Variants in GALNT10 observed in about 807,000 individuals in gnomAD.
GALNT10 encodes the protein GalNAc transferase 10.
Under a neutral mutation model 75.0 loss-of-function variants are expected in GALNT10, and 41 were observed. That is an observed-to-expected ratio of 0.55 (90% CI 0.43 to 0.71). The LOEUF is 0.71. GALNT10 is among the 30% of genes least tolerant of loss of function. GALNT10 has a pLI of 0.00. For synonymous variants in GALNT10, 302 were observed against 313.0 expected (o/e 0.96, Z 0.37); for missense variants, 727 against 818.5 (o/e 0.89, Z 1.36).
At position 154,217,271 on chromosome 5, in the gene GALNT10, T is replaced by C. The variant is rs1045765198; in HGVS notation, c.159+26246T>C. Among the ~76,000 whole-genome samples the C allele has an allele frequency of 3.9e-5, 6 of 152,194 alleles. No individual in the cohort carries two copies. The South Asian group carries it at 6.2e-4, about 16-fold the overall frequency. On this transcript the variant is annotated intron_variant, in intron 1 of 11. Coordinates refer to ENST00000297107, the MANE Select transcript of GALNT10 (RefSeq NM_198321.4). Reference sequence around the variant, plus strand: ...TTTGTGCGCTACAGTGGCTTCCGCCTAAAGCCTTGTTTGCCCTCTGAGAGA... The same window carrying C: ...TTTGTGCGCTACAGTGGCTTCCGCCCAAAGCCTTGTTTGCCCTCTGAGAGA...
chr5:154,286,956 T>C (rs1444953224), intron 1 of GALNT10, among the ~76,000 whole-genome samples: 1 of 152,202 alleles, frequency 6.6e-6, no homozygotes, highest in African/African-American at 2.4e-5. Flanking sequence ...AGTTAAGTTT[T>C]CTCAAAACAG....
intron 3 of GALNT10, among the ~76,000 whole-genome samples, chr5:154,304,938 A>C (rs919371749): frequency 6.6e-6 from 1 of 152,206 alleles, no homozygotes; most frequent in African/African-American, 2.4e-5. Context: ...CCAACAGAGG[A>C]GATAAAATGA....
At chr5:154,310,233 C>T (rs370162410) in intron 3 of GALNT10, among the ~76,000 whole-genome samples, 16 of 152,198 alleles carry the variant, frequency 1.1e-4, no homozygotes, top group African/African-American at 3.6e-4. Context: ...AGAGCAAGCT[C>T]GCCTGACACC....
intron 1 of GALNT10, among the ~76,000 whole-genome samples, chr5:154,278,514 G>T (rs1753986043): frequency 6.6e-6 from 1 of 152,172 alleles, no homozygotes; most frequent in South Asian, 2.1e-4. Context: ...AGAAGAATTG[G>T]CTTTTTTAGA....
chr5:154,237,704 A>T (rs751123691), intron 1 of GALNT10, among the ~76,000 whole-genome samples: 1 of 152,032 alleles, frequency 6.6e-6, no homozygotes, highest in Non-Finnish European at 1.5e-5. Context: ...ATTTTTTTAG[A>T]ATCTGTTGGA....
rs751387119 is a variant in GALNT10, at chr5:154,416,960, C to A, written c.1800C>A (p.Phe600Leu). 6.2e-7 allele frequency: 1 copy of A among 1,614,156 alleles called. No individual in the cohort carries two copies. The highest frequency in any genetic ancestry group is 1.1e-5 in the South Asian group (1 of 91,078). ...CCAACTCAACAGTCTTGGAAAAATT[C>A]AATAGGAACTGAGCCCTCATGTCCC... ...EHTNSTVLEK[F>L]NRN is the part of the protein sequence containing the mutation. The change falls in exon 12 of 12, where the codon TTC becomes TTA. Residue 600 changes from phenylalanine (F) to leucine (L), a missense_variant. Transcript: ENST00000297107. The surrounding 1 kb of genome is among the most constrained non-coding windows in gnomAD (Gnocchi z 4.5).
chr5:154,386,553 G>A (rs1561678716), intron 7 of GALNT10, 123 bp downstream of exon 7: 1 of 450,348 alleles, frequency 2.2e-6, no homozygotes, highest in Non-Finnish European at 4.4e-6. Flanking sequence ...TAGCCCTTCT[G>A]CCCATCAGGT....
chr5:154,290,076 T>C (rs1754171200), intron 1 of GALNT10, among the ~76,000 whole-genome samples: 1 of 150,810 alleles, frequency 6.6e-6, no homozygotes, highest in Non-Finnish European at 1.5e-5. Context: ...CCCTTCAGGC[T>C]CCATGTACTC....
intron 7 of GALNT10, chr5:154,392,376 G>A (rs1450440776): frequency 6.6e-6 from 1 of 152,126 alleles, no homozygotes; most frequent in Non-Finnish European, 1.5e-5. Context: ...GTGTGTTAGT[G>A]GCATCACTTC....
At chr5:154,296,600 T>C (rs531128006) in intron 2 of GALNT10, among the ~76,000 whole-genome samples, 2 of 152,268 alleles carry the variant, frequency 1.3e-5, no homozygotes, top group Admixed American at 6.5e-5. Context: ...ATCATTCACA[T>C]TGAACCTTCT....
intron 1 of GALNT10, among the ~76,000 whole-genome samples, chr5:154,244,605 A>G (rs1753391446): frequency 6.6e-6 from 1 of 152,090 alleles, no homozygotes; most frequent in Non-Finnish European, 1.5e-5. Flanking sequence ...TGTTTTCTCT[A>G]TGCTGGAGGA....
At chr5:154,250,655 G>A (rs1013696013) in intron 1 of GALNT10, among the ~76,000 whole-genome samples, 1 of 152,176 alleles carries the variant, frequency 6.6e-6, no homozygotes, top group Non-Finnish European at 1.5e-5. Context: ...TTAGGAAGGA[G>A]GAGGGGGTTA....
chr5:154,368,495 GC>G (rs1387351902), intron 4 of GALNT10, among the ~76,000 whole-genome samples: 1 of 152,166 alleles, frequency 6.6e-6, no homozygotes, highest in Non-Finnish European at 1.5e-5. Context: ...AAAAGAAATG[GC>G]CGGCTTTCCA....
chr5:154,218,293 C>T (rs773502200), intron 1 of GALNT10: 16 of 223,674 alleles, frequency 7.2e-5, no homozygotes, highest in Admixed American at 2.0e-4. Flanking sequence ...TTCTCCAGTT[C>T]GCTGTCTCCA....
intron 1 of GALNT10, among the ~76,000 whole-genome samples, chr5:154,276,516 A>G (rs1374484196): frequency 6.6e-6 from 1 of 152,194 alleles, no homozygotes; most frequent in African/African-American, 2.4e-5. Context: ...CACAGGAGTG[A>G]TATCTCATCA....
intron 1 of GALNT10, among the ~76,000 whole-genome samples, chr5:154,234,819 G>A (rs1457393487): frequency 2.0e-5 from 3 of 152,204 alleles, no homozygotes; most frequent in Admixed American, 6.5e-5. Flanking sequence ...GCCCCAATAA[G>A]TATTGAGTTC....
intron 1 of GALNT10, among the ~76,000 whole-genome samples, chr5:154,283,334 A>G (rs1316014555): frequency 6.8e-6 from 1 of 147,720 alleles, no homozygotes. Context: ...CTGTAGTCTT[A>G]GTTTCTTGGG....
chr5:154,347,171 G>C (rs1755135579), intron 4 of GALNT10: 1 of 510,730 alleles, frequency 2.0e-6, no homozygotes, highest in South Asian at 1.5e-5. Flanking sequence ...TGGCATTGTT[G>C]TCTGGCATTG....
intron 10 of GALNT10, among the ~76,000 whole-genome samples, chr5:154,414,001 C>CA (rs935859360): frequency 3.3e-5 from 5 of 151,358 alleles, no homozygotes; most frequent in Non-Finnish European, 7.4e-5. Flanking sequence ...GATACTTTAC[C>CA]AAAAAAAATA....
Sources: gnomAD v4.1 joint callset for allele counts (sites outside exome capture counted in the v4.1 genomes callset) on GRCh38, gnomAD v4.1.1 for gene constraint, Gnocchi (gnomAD v3.1) non-coding constraint, MANE v1.5 for transcripts, NCBI Gene and HGNC (gene_info 2026-07-23, HGNC 2026-07-21) for gene names.